The following CTNNA3 variants were observed in gnomAD, a reference collection of about 807,000 sequenced individuals.
The protein encoded by CTNNA3 is catenin alpha 3, also known as catenin alpha-3.
CTNNA3 carries 76 observed loss-of-function variants against 95.7 expected under a neutral mutation model. That is an observed-to-expected ratio of 0.79 (90% CI 0.66 to 0.96). The LOEUF is 0.96. Among genes scored for constraint, CTNNA3 ranks in the 40% least tolerant of loss-of-function variants. CTNNA3 has a pLI of 0.00. For missense variants in CTNNA3, 1,191 were observed against 1,089.8 expected, an observed-to-expected ratio of 1.09 and a Z score of -1.31; for synonymous variants, 431 against 374.4, an observed-to-expected ratio of 1.15 and a Z score of -1.74.
At chr10:66,291,154 A>C (rs2091674913) in intron 12 of CTNNA3, among the ~76,000 whole-genome samples, 1 of 152,138 alleles carries the variant, frequency 6.6e-6, no homozygotes. Context: ...CTTGACATCA[A>C]ACTTCCTGAT....
At chr10:67,505,998 C>T (rs1396177601) in intron 5 of CTNNA3, among the ~76,000 whole-genome samples, 1 of 152,074 alleles carries the variant, frequency 6.6e-6, no homozygotes, top group African/African-American at 2.4e-5. Context: ...TGGCATCTTG[C>T]TAAAATCCCA....
At chr10:67,486,807 T>C (rs190708074) in intron 5 of CTNNA3, among the ~76,000 whole-genome samples, 2 of 152,228 alleles carry the variant, frequency 1.3e-5, no homozygotes, top group African/African-American at 4.8e-5. Flanking sequence ...TTGTTTTATA[T>C]ATGAAGAATT....
chr10:67,725,669 G>A (rs1841206027), intron 1 of CTNNA3, among the ~76,000 whole-genome samples: 1 of 151,764 alleles, frequency 6.6e-6, no homozygotes, highest in African/African-American at 2.4e-5. Context: ...GATAGGGATA[G>A]AGAGAAAAAG....
intron 12 of CTNNA3, among the ~76,000 whole-genome samples, chr10:66,331,551 A>G (rs868135419): frequency 7.3e-5 from 11 of 151,276 alleles, no homozygotes; most frequent in Admixed American, 1.3e-4. Context: ...ACGGGGTTTC[A>G]CCATGTTAGC....
intron 15 of CTNNA3, among the ~76,000 whole-genome samples, chr10:66,058,014 A>T (rs1468105960): frequency 6.6e-6 from 1 of 152,200 alleles, no homozygotes; most frequent in South Asian, 2.1e-4. Flanking sequence ...TAAATGGGGA[A>T]AACATAAAAC....
At chr10:67,472,291 A>T (rs1847857216) in intron 5 of CTNNA3, among the ~76,000 whole-genome samples, 1 of 152,218 alleles carries the variant, frequency 6.6e-6, no homozygotes. Flanking sequence ...CTCTATACAT[A>T]GAATTACATT....
rs1845592833 is a variant in CTNNA3, at chr10:66,643,650, A to T, written c.1282-21866T>A. 2.0e-5 allele frequency among the ~76,000 whole-genome samples: 3 copies of T among 152,164 alleles called. 1 individual carries two copies. The highest frequency in any genetic ancestry group is 2.0e-4 in the Admixed American group (3 of 15,282). On this transcript the variant is annotated intron_variant, in intron 9 of 17. Transcript: ENST00000433211. The stretch of plus-strand genomic sequence containing the variant: ...ATTTTTCATCTGTTGTAACACATAA[A>T]GGGGTTCAACAACTACTTTATTCTA...
intron 11 of CTNNA3, among the ~76,000 whole-genome samples, chr10:66,480,213 G>C (rs1488506459): frequency 6.6e-6 from 1 of 152,008 alleles, no homozygotes; most frequent in Non-Finnish European, 1.5e-5. Context: ...AGCTCATTTA[G>C]CTATATATCT....
intron 1 of CTNNA3, among the ~76,000 whole-genome samples, chr10:67,672,202 G>A (rs1840449922): frequency 1.3e-5 from 2 of 152,026 alleles, no homozygotes; most frequent in African/African-American, 2.4e-5. Context: ...TTTTTGGTGG[G>A]GTTGTTTGTT....
intron 10 of CTNNA3, among the ~76,000 whole-genome samples, chr10:66,601,883 C>G (rs1257897452): frequency 6.6e-6 from 1 of 151,800 alleles, no homozygotes; most frequent in Non-Finnish European, 1.5e-5. Flanking sequence ...GAGTGAACTG[C>G]CAGTCCTAAA....
chr10:66,051,177 G>T (rs1371459502), intron 15 of CTNNA3, among the ~76,000 whole-genome samples: 1 of 152,076 alleles, frequency 6.6e-6, no homozygotes, highest in African/African-American at 2.4e-5. Flanking sequence ...ACCCAACCTG[G>T]ATTCTTATTT....
At chr10:66,199,805 A>ATTTTTTTTTTT (rs1226520776) in intron 13 of CTNNA3, among the ~76,000 whole-genome samples, 1 of 14,292 alleles carries the variant, frequency 7.0e-5, no homozygotes, top group African/African-American at 3.9e-4. Flanking sequence ...ATATATATAT[A>ATTTTTTTTTTT]TTTTTTTTTT....
In CTNNA3 at chr10:66,155,738, C is replaced by T. The variant is rs147832054; in HGVS notation, c.1885-52489G>A. 4.1e-4 allele frequency among the ~76,000 whole-genome samples: 62 copies of T among 151,824 alleles called. No individual in the cohort carries two copies. The East Asian group carries it at 5.2e-3, about 13-fold the overall frequency. ...TGTTATATAAAAGTAAAATATAAAA[C>T]AATAAAGCTTTTAGAAGCAAACATT... On this transcript the variant is annotated intron_variant, in intron 13 of 17. Coordinates refer to ENST00000433211, the MANE Select transcript of CTNNA3 (RefSeq NM_013266.4).
At chr10:67,391,169 C>T (rs1018103274) in intron 5 of CTNNA3, among the ~76,000 whole-genome samples, 1 of 151,910 alleles carries the variant, frequency 6.6e-6, no homozygotes, top group African/African-American at 2.4e-5. Context: ...TTGTCTCAGC[C>T]CAAAATCTCC....
intron 9 of CTNNA3, among the ~76,000 whole-genome samples, chr10:66,670,603 T>C (rs1274978098): frequency 6.6e-6 from 1 of 152,230 alleles, no homozygotes; most frequent in African/African-American, 2.4e-5. Context: ...TTTTCTGTTC[T>C]CCGATTCTGC....
chr10:65,973,727 T>A (rs1008002197), intron 16 of CTNNA3, among the ~76,000 whole-genome samples: 8 of 151,960 alleles, frequency 5.3e-5, no homozygotes, highest in African/African-American at 1.9e-4. Context: ...GTGCACGACG[T>A]GGGGAGAACA....
At chr10:66,726,709 C>A (rs1463595113) in intron 9 of CTNNA3, among the ~76,000 whole-genome samples, 1 of 152,100 alleles carries the variant, frequency 6.6e-6, no homozygotes, top group Admixed American at 6.6e-5. Flanking sequence ...CCAGGAAGAA[C>A]TTTAAACATA....
chr10:66,512,405 A>G lies in CTNNA3; in HGVS notation c.1531+8212T>C, dbSNP rs372430957. Among the ~76,000 whole-genome samples the G allele has an allele frequency of 2.7e-4, 41 of 152,086 alleles. 2 individuals are homozygous for G. In the East Asian group the frequency reaches 7.5e-3, roughly 28 times the overall value. ...GATAAGATGAGGATTTATTCTTGTCATTTTGTTAGTTGTTTTGTAATTGCT... is the reference window on the plus strand; with the variant it reads ...GATAAGATGAGGATTTATTCTTGTCGTTTTGTTAGTTGTTTTGTAATTGCT... On this transcript the variant is annotated intron_variant, in intron 11 of 17. Transcript: ENST00000433211.
At chr10:66,461,683 A>G (rs202142933) in intron 11 of CTNNA3, among the ~76,000 whole-genome samples, 1 of 143,330 alleles carries the variant, frequency 7.0e-6, no homozygotes, top group Non-Finnish European at 1.5e-5. Flanking sequence ...TTATATATAT[A>G]TGTATATATA....
Sources: gnomAD v4.1 joint callset for allele counts (sites outside exome capture counted in the v4.1 genomes callset) on GRCh38, gnomAD v4.1.1 for gene constraint, MANE v1.5 for transcripts, NCBI Gene and HGNC (gene_info 2026-07-23, HGNC 2026-07-21) for gene names.